The following DPP10 variants were observed in gnomAD, a reference collection of about 807,000 sequenced individuals.
The protein encoded by DPP10 is dipeptidyl peptidase like 10.
In DPP10, 33 loss-of-function variants were observed where a neutral mutation model predicts 120.9. The ratio of observed to expected loss-of-function variants is 0.27; its 90% confidence interval spans 0.21 to 0.37. DPP10 has a LOEUF of 0.37. Ranked by LOEUF, DPP10 falls within the 10% of genes least tolerant of loss-of-function variation. The probability of loss-of-function intolerance (pLI) is 1.00; values close to 1 mark genes in which losing one functional copy is unlikely to be tolerated. For missense variants in DPP10, 816 were observed against 942.8 expected, an observed-to-expected ratio of 0.87 and a Z score of 1.76; for synonymous variants, 337 against 326.1, an observed-to-expected ratio of 1.03 and a Z score of -0.36.
At chr2:114,752,988 C>T (rs545291368) in intron 1 of DPP10, among the ~76,000 whole-genome samples, 3 of 152,232 alleles carry the variant, frequency 2.0e-5, no homozygotes, top group African/African-American at 7.2e-5. Flanking sequence ...TTGATGGGGA[C>T]CTGCCCATGG....
At chr2:114,513,689 G>A (rs990527160) in intron 1 of DPP10, among the ~76,000 whole-genome samples, 2 of 152,108 alleles carry the variant, frequency 1.3e-5, no homozygotes, top group African/African-American at 2.4e-5. Flanking sequence ...GCTATAGAAA[G>A]GATTAGATTA....
intron 3 of DPP10, among the ~76,000 whole-genome samples, chr2:115,448,802 A>G (rs1311106137): frequency 1.3e-5 from 2 of 152,128 alleles, no homozygotes; most frequent in Admixed American, 1.3e-4. Flanking sequence ...GAAATACCAC[A>G]GAGATCCCTT....
chr2:115,154,892 CTTTT>C (rs34462965), intron 1 of DPP10, among the ~76,000 whole-genome samples: 2 of 136,502 alleles, frequency 1.5e-5, no homozygotes, highest in Non-Finnish European at 1.6e-5. Context: ...TTTGCCATTA[CTTTT>C]TTTTTTTTTT....
At chr2:115,747,352 T>G (rs974532503) in intron 10 of DPP10, among the ~76,000 whole-genome samples, 1 of 152,212 alleles carries the variant, frequency 6.6e-6, no homozygotes, top group African/African-American at 2.4e-5. Flanking sequence ...AATCAAATAG[T>G]AACATTTATT....
At chr2:115,766,953 C>T (rs1347679785) in intron 12 of DPP10, among the ~76,000 whole-genome samples, 1 of 152,186 alleles carries the variant, frequency 6.6e-6, no homozygotes, top group Admixed American at 6.5e-5. Flanking sequence ...CCAGCTCCAA[C>T]ACTGGGGATT....
intron 1 of DPP10, among the ~76,000 whole-genome samples, chr2:115,265,673 G>T (rs1211848014): frequency 6.6e-6 from 1 of 152,112 alleles, no homozygotes; most frequent in Non-Finnish European, 1.5e-5. Context: ...AGCACTTTAA[G>T]ATTTTAGGTT....
chr2:114,760,317 G>T (rs920679389), intron 1 of DPP10, among the ~76,000 whole-genome samples: 1 of 152,076 alleles, frequency 6.6e-6, no homozygotes, highest in South Asian at 2.1e-4. Flanking sequence ...TCCCTTTGGC[G>T]TGCATCCCCC....
At chr2:115,016,587 A>T (rs1229346233) in intron 1 of DPP10, among the ~76,000 whole-genome samples, 2 of 151,972 alleles carry the variant, frequency 1.3e-5, no homozygotes, top group African/African-American at 4.8e-5. Context: ...ATGGGGGAAA[A>T]TTTTTGCAAT....
chr2:114,743,919 A>G (rs1234542686), intron 1 of DPP10, among the ~76,000 whole-genome samples: 1 of 152,146 alleles, frequency 6.6e-6, no homozygotes, highest in Non-Finnish European at 1.5e-5. Context: ...GTCCTCAGGT[A>G]GTTTGCTAAT....
At chr2:115,709,689 A>G (rs542798047) in intron 7 of DPP10, among the ~76,000 whole-genome samples, 53 of 152,116 alleles carry the variant, frequency 3.5e-4, no homozygotes, top group African/African-American at 1.2e-3. Flanking sequence ...TCTGTGGCAC[A>G]CAGATCAATA....
chr2:115,663,391 A>G (rs2089170319), intron 5 of DPP10, among the ~76,000 whole-genome samples: 1 of 152,132 alleles, frequency 6.6e-6, no homozygotes. Flanking sequence ...CCATTGTTTC[A>G]TGGTATTCGG....
intron 5 of DPP10, among the ~76,000 whole-genome samples, chr2:115,673,964 C>A (rs955572369): frequency 6.6e-6 from 1 of 152,156 alleles, no homozygotes; most frequent in Non-Finnish European, 1.5e-5. Context: ...GTAATCCCAG[C>A]ACTTTGGGAG....
chr2:114,659,970 G>T (rs1014170513), intron 1 of DPP10, among the ~76,000 whole-genome samples: 2 of 152,210 alleles, frequency 1.3e-5, no homozygotes, highest in African/African-American at 4.8e-5. Context: ...ACAGTCTTCA[G>T]AAAGAGCATG....
At chr2:115,385,980 G>T (rs2066902796) in intron 3 of DPP10, among the ~76,000 whole-genome samples, 1 of 152,148 alleles carries the variant, frequency 6.6e-6, no homozygotes, top group Non-Finnish European at 1.5e-5. Flanking sequence ...CCACTTGGGA[G>T]CAAAGTTGGC....
At position 114,993,508 on chromosome 2, in the gene DPP10, C is replaced by T. The variant is rs149888558; in HGVS notation, c.61-315731C>T. On this transcript the variant is annotated intron_variant, in intron 1 of 25. Transcript: ENST00000410059. ...TAAAATTAATAAACTGAAAACTATC[C>T]TGTCCTTTTATATTTAGGTTGTAAA... 8.8e-4 allele frequency among the ~76,000 whole-genome samples: 129 copies of T among 147,082 alleles called. 2 individuals carry two copies. In the East Asian group the frequency reaches 0.025, roughly 29 times the overall value.
At chr2:114,883,763 G>T (rs1022294593) in intron 1 of DPP10, among the ~76,000 whole-genome samples, 1 of 152,176 alleles carries the variant, frequency 6.6e-6, no homozygotes, top group Non-Finnish European at 1.5e-5. Flanking sequence ...GCTCGGGCTG[G>T]GTTCTGAGAT....
intron 1 of DPP10, among the ~76,000 whole-genome samples, chr2:114,966,932 C>T (rs559691118): frequency 2.2e-4 from 34 of 152,230 alleles, no homozygotes; most frequent in Admixed American, 7.2e-4. Context: ...ATCCCAGCTA[C>T]TTGGGAGGCT....
chr2:114,758,431 C>A (rs1359963294), intron 1 of DPP10, among the ~76,000 whole-genome samples: 1 of 152,110 alleles, frequency 6.6e-6, no homozygotes, highest in African/African-American at 2.4e-5. Context: ...TTTTTTCCCT[C>A]GTCTACTTAA....
At chr2:115,585,851 GT>G (rs997919153) in intron 5 of DPP10, among the ~76,000 whole-genome samples, 1 of 151,990 alleles carries the variant, frequency 6.6e-6, no homozygotes, top group Admixed American at 6.6e-5. Flanking sequence ...TTCTACACTG[GT>G]TTTTTTGCTT....
Sources: allele counts gnomAD v4.1 joint callset (sites outside exome capture counted in the v4.1 genomes callset), GRCh38; gene constraint gnomAD v4.1.1; transcripts MANE v1.5; gene names NCBI Gene and HGNC (gene_info 2026-07-23, HGNC 2026-07-21).